Variants in KLHL1 observed in about 807,000 individuals in gnomAD.
KLHL1 encodes the protein kelch like family member 1, also known as kelch-like protein 1.
A neutral mutation model predicts 77.7 loss-of-function variants in KLHL1; 47 were observed. The observed-to-expected ratio is 0.60, with a 90% CI of 0.48 to 0.77. The LOEUF (loss-of-function observed/expected upper bound fraction) is 0.77, where lower values mean the gene tolerates loss of function less well. Ranked by LOEUF, KLHL1 falls within the 30% of genes least tolerant of loss-of-function variation. KLHL1 has a pLI of 0.00. For synonymous variants in KLHL1, 360 were observed against 325.2 expected (o/e 1.11, Z -1.15); for missense variants, 925 against 910.8 (o/e 1.02, Z -0.20).
intron 1 of KLHL1, among the ~76,000 whole-genome samples, chr13:69,989,059 T>G (rs1302068773): frequency 6.6e-6 from 1 of 152,038 alleles, no homozygotes; most frequent in Non-Finnish European, 1.5e-5. Flanking sequence ...AATAGTATTT[T>G]CTAGGTTATC....
intron 4 of KLHL1, among the ~76,000 whole-genome samples, chr13:69,891,765 G>C (rs183065706): frequency 4.7e-4 from 72 of 151,950 alleles, no homozygotes; most frequent in African/African-American, 1.7e-3. Context: ...CAATTATTTT[G>C]GGAAGATTCT....
At chr13:69,953,954 A>G (rs985821073) in intron 3 of KLHL1, among the ~76,000 whole-genome samples, 3 of 151,282 alleles carry the variant, frequency 2.0e-5, no homozygotes, top group African/African-American at 2.4e-5. Context: ...GCTTAATTTT[A>G]TAAGTTTGCT....
At chr13:69,832,815 C>T (rs1333952025) in intron 6 of KLHL1, among the ~76,000 whole-genome samples, 1 of 152,020 alleles carries the variant, frequency 6.6e-6, no homozygotes, top group African/African-American at 2.4e-5. Context: ...TAGTTACAGC[C>T]AACTGATCTT....
intron 1 of KLHL1, among the ~76,000 whole-genome samples, chr13:70,063,475 T>A (rs1886938497): frequency 6.6e-6 from 1 of 152,134 alleles, no homozygotes. Flanking sequence ...TTTACATTGT[T>A]AATTTCACTC....
chr13:69,874,592 C>A (rs979591511), intron 5 of KLHL1, among the ~76,000 whole-genome samples: 6 of 152,026 alleles, frequency 3.9e-5, no homozygotes, highest in Non-Finnish European at 7.4e-5. Context: ...ATATTAATGT[C>A]ATCATTTTAA....
intron 1 of KLHL1, among the ~76,000 whole-genome samples, 161 bp downstream of exon 1, chr13:70,107,042 C>G (rs1196703621): frequency 6.6e-6 from 1 of 152,168 alleles, no homozygotes; most frequent in Non-Finnish European, 1.5e-5. Flanking sequence ...AATGAGCAAA[C>G]TTGTAATGAA....
chr13:69,877,102 C>G (rs1880799305), intron 5 of KLHL1, among the ~76,000 whole-genome samples: 1 of 151,674 alleles, frequency 6.6e-6, no homozygotes, highest in Admixed American at 6.6e-5. Context: ...CTCCAACCTT[C>G]TAAATAATCT....
intron 4 of KLHL1, among the ~76,000 whole-genome samples, chr13:69,902,902 T>C (rs974860513): frequency 4.0e-5 from 6 of 151,030 alleles, no homozygotes; most frequent in African/African-American, 1.5e-4. Flanking sequence ...ACTTAAAGTA[T>C]AATAAAAAAT....
intron 7 of KLHL1, among the ~76,000 whole-genome samples, chr13:69,752,679 G>A (rs1874537395): frequency 6.6e-6 from 1 of 152,152 alleles, no homozygotes; most frequent in African/African-American, 2.4e-5. Flanking sequence ...AGATATCTCA[G>A]AAGATGAGGC....
chr13:70,041,091 G>T (rs942537221), intron 1 of KLHL1, among the ~76,000 whole-genome samples: 1 of 151,762 alleles, frequency 6.6e-6, no homozygotes, highest in Non-Finnish European at 1.5e-5. Context: ...TTTCTCTTTG[G>T]TTCTTCATTG....
chr13:69,776,083 G>A (rs1398614063), intron 7 of KLHL1, among the ~76,000 whole-genome samples: 2 of 151,974 alleles, frequency 1.3e-5, no homozygotes, highest in African/African-American at 4.8e-5. Context: ...ATGAACTCGG[G>A]AGGTGGAGCT....
intron 6 of KLHL1, among the ~76,000 whole-genome samples, chr13:69,827,387 T>C (rs1480548020): frequency 6.6e-6 from 1 of 151,932 alleles, no homozygotes; most frequent in South Asian, 2.1e-4. Context: ...AAAAATAATA[T>C]AATAAGAATT....
At chr13:70,045,347 A>G (rs902214538) in intron 1 of KLHL1, among the ~76,000 whole-genome samples, 2 of 152,262 alleles carry the variant, frequency 1.3e-5, no homozygotes, top group African/African-American at 2.4e-5. Flanking sequence ...AATTGCAAGC[A>G]TACTCATCAT....
chr13:69,863,289 A>G (rs1310530219), intron 5 of KLHL1, among the ~76,000 whole-genome samples: 2 of 143,086 alleles, frequency 1.4e-5, no homozygotes, highest in African/African-American at 5.3e-5. Flanking sequence ...TAGAGAAACT[A>G]AAATACTAGG....
At chr13:69,967,700 G>A (rs1427768372) in intron 2 of KLHL1, among the ~76,000 whole-genome samples, 6 of 151,972 alleles carry the variant, frequency 3.9e-5, no homozygotes, top group African/African-American at 7.2e-5. Flanking sequence ...GCCTGGCCAA[G>A]ATGGCAAAAC....
chr13:70,098,739 AT>A (rs1288037260), intron 1 of KLHL1, among the ~76,000 whole-genome samples: 2 of 151,764 alleles, frequency 1.3e-5, no homozygotes, highest in Admixed American at 6.6e-5. Context: ...GAATTAAAGG[AT>A]TTCACAGAGC....
intron 1 of KLHL1, among the ~76,000 whole-genome samples, chr13:70,031,601 G>C (rs1886102755): frequency 6.6e-6 from 1 of 152,158 alleles, no homozygotes; most frequent in South Asian, 2.1e-4. Context: ...ACAGGTTATA[G>C]TTCCTCGTGC....
chr13:69,798,755 G>C (rs1877242614), intron 6 of KLHL1, among the ~76,000 whole-genome samples: 1 of 151,894 alleles, frequency 6.6e-6, no homozygotes, highest in Admixed American at 6.6e-5. Flanking sequence ...TTACATGAAT[G>C]CATAACTAAA....
chr13:69,909,728 C>T (rs574091741), intron 4 of KLHL1, among the ~76,000 whole-genome samples: 29 of 151,834 alleles, frequency 1.9e-4, no homozygotes, highest in Non-Finnish European at 3.8e-4. Flanking sequence ...GAAGATAATA[C>T]ACAAAACTGT....
Sources: gnomAD v4.1 joint callset for allele counts (sites outside exome capture counted in the v4.1 genomes callset) on GRCh38, gnomAD v4.1.1 for gene constraint, MANE v1.5 for transcripts, NCBI Gene and HGNC (gene_info 2026-07-23, HGNC 2026-07-21) for gene names.